SV2C: variants seen among roughly 807,000 people sequenced by gnomAD.
SV2C encodes synaptic vesicle glycoprotein 2C, also known as solute carrier family 22 member B3.
SV2C carries 49 observed loss-of-function variants against 79.7 expected under a neutral mutation model. The observed-to-expected ratio is 0.61, with a 90% CI of 0.49 to 0.78. The LOEUF (loss-of-function observed/expected upper bound fraction) is 0.78. SV2C is among the 30% of genes least tolerant of loss of function. SV2C has a pLI of 0.00. For synonymous variants in SV2C, 334 were observed against 333.2 expected (o/e 1.00, Z -0.03); for missense variants, 833 against 912.9 (o/e 0.91, Z 1.13).
At chr5:75,848,977 C>T in the SV2C span, among the ~76,000 whole-genome samples, 11 of 152,322 alleles carry the variant, frequency 7.2e-5, no homozygotes, top group South Asian at 2.1e-4. Context: ...ATATTCGGCA[C>T]GTAGTGCCTA....
At chr5:75,989,887 A>C in the SV2C span, among the ~76,000 whole-genome samples, 3 of 149,394 alleles carry the variant, frequency 2.0e-5, no homozygotes, top group East Asian at 5.9e-4. Context: ...ATGATCTTTG[A>C]TGTTGAGCTT....
At position 76,121,055 on chromosome 5, in the gene SV2C, C is replaced by T. The variant is rs930340458; in HGVS notation, c.-101-10595C>T. Among the ~76,000 whole-genome samples, 66 of 150,442 alleles carry T rather than the reference C, an allele frequency of 4.4e-4. 1 individual carries two copies. Among genetic ancestry groups the T allele is most frequent in the African/African-American group, 1.6e-3 (64 of 39,962 alleles). Reference sequence around the variant, plus strand: ...TTGTTTCCTGACTTTTTAATGATTGCCATTCTAACTGGTGTGAGATGGTAT... The same window carrying T: ...TTGTTTCCTGACTTTTTAATGATTGTCATTCTAACTGGTGTGAGATGGTAT... On this transcript the variant is annotated intron_variant, in intron 1 of 12. Coordinates refer to ENST00000502798, the MANE Select transcript of SV2C (RefSeq NM_014979.4).
At chr5:76,317,893 C>T (rs1748686286) in intron 12 of SV2C, among the ~76,000 whole-genome samples, 1 of 152,068 alleles carries the variant, frequency 6.6e-6, no homozygotes, top group Admixed American at 6.5e-5. Flanking sequence ...GATATTCAGC[C>T]AGTGTTTAAA....
chr5:76,018,338 G>A, the SV2C span, among the ~76,000 whole-genome samples: 1 of 151,996 alleles, frequency 6.6e-6, no homozygotes, highest in Non-Finnish European at 1.5e-5. Flanking sequence ...TTCCTAAAAA[G>A]TTAAGAAAAT....
downstream of SV2C, among the ~76,000 whole-genome samples, chr5:76,335,724 G>A (rs1193890823): frequency 8.5e-5 from 13 of 152,078 alleles, no homozygotes; most frequent in African/African-American, 3.1e-4. Flanking sequence ...GTTTCAGAGA[G>A]CACAGGGTTG....
chr5:75,980,012 A>C, the SV2C span, among the ~76,000 whole-genome samples: 1 of 152,174 alleles, frequency 6.6e-6, no homozygotes, highest in Non-Finnish European at 1.5e-5. Context: ...GACGCAAATA[A>C]ACACGATCAA....
At chr5:76,049,023 G>GAAAGAAAGAAAGAAAGAA in the SV2C span, among the ~76,000 whole-genome samples, 65 of 82,626 alleles carry the variant, frequency 7.9e-4, 2 homozygotes, top group African/African-American at 2.5e-3. Flanking sequence ...AAGAAAGAAA[G>GAAAGAAAGAAAGAAAGAA]AAAAAGAAAA....
At chr5:76,248,992 T>C (rs1337540228) in intron 4 of SV2C, among the ~76,000 whole-genome samples, 1 of 152,090 alleles carries the variant, frequency 6.6e-6, no homozygotes, top group East Asian at 1.9e-4. Flanking sequence ...AAAGGGTGGG[T>C]ATTATTAGGA....
chr5:76,287,179 T>G (rs1035617982), intron 6 of SV2C, among the ~76,000 whole-genome samples: 2 of 152,186 alleles, frequency 1.3e-5, no homozygotes, highest in Non-Finnish European at 2.9e-5. Flanking sequence ...TAAGGGATAT[T>G]GAACAATATA....
At chr5:75,867,250 C>T in the SV2C span, among the ~76,000 whole-genome samples, 623 of 152,190 alleles carry the variant, frequency 4.1e-3, 6 homozygotes, top group African/African-American at 0.014. Flanking sequence ...TTAGAACACA[C>T]GGACCTATCA....
At position 76,276,276 on chromosome 5, in the gene SV2C, G is replaced by C. The variant is rs150485541; in HGVS notation, c.914-8886G>C. On this transcript the variant is annotated intron_variant, in intron 4 of 12. Coordinates refer to ENST00000502798, the MANE Select transcript of SV2C (RefSeq NM_014979.4). The stretch of plus-strand genomic sequence containing the variant: ...GAGAATGGTATCATAGTTTTACAAA[G>C]CATTTGCAGGGTCATTTCTTGAGGC... 3.5e-4 allele frequency among the ~76,000 whole-genome samples: 53 copies of C among 152,318 alleles called. No individual in the cohort carries two copies. The Middle Eastern group carries it at 0.01, about 29-fold the overall frequency.
chr5:76,295,406 GC>G (rs1228052445), intron 8 of SV2C, among the ~76,000 whole-genome samples: 1 of 152,096 alleles, frequency 6.6e-6, no homozygotes, highest in Non-Finnish European at 1.5e-5. Flanking sequence ...ACCTCCTAAA[GC>G]CCCCACCTCT....
chr5:76,121,041 C>T (rs918911238), intron 1 of SV2C, among the ~76,000 whole-genome samples: 47 of 150,698 alleles, frequency 3.1e-4, no homozygotes, highest in African/African-American at 1.1e-3. Context: ...TGTTTCCTGA[C>T]TTTTTAATGA....
At chr5:75,863,701 G>A in the SV2C span, among the ~76,000 whole-genome samples, 2 of 152,134 alleles carry the variant, frequency 1.3e-5, no homozygotes, top group Non-Finnish European at 2.9e-5. Flanking sequence ...CTTGCTTTGT[G>A]ACATTAATTG....
chr5:76,131,665 A>C lies in SV2C; in HGVS notation c.-86A>C. 1 of 1,151,874 alleles carries C rather than the reference A, an allele frequency of 8.7e-7. No homozygotes were observed. The allele number at this position is 1,151,874 out of a possible 1,614,324, so 71.4% of individuals were successfully genotyped here. A position where few individuals can be genotyped will look rare whatever the true frequency, so the allele number is the denominator to read the frequency against. On this transcript the variant is annotated 5_prime_UTR_variant, in exon 2 of 13. Coordinates refer to ENST00000502798, the MANE Select transcript of SV2C (RefSeq NM_014979.4). The stretch of plus-strand genomic sequence containing the variant: ...TCTTTCGCAGTTCTGTTTTGAACCC[A>C]AAGTGGATGATGCTGTCAGAGCTGA...
chr5:76,003,837 G>A, the SV2C span, among the ~76,000 whole-genome samples: 1 of 151,960 alleles, frequency 6.6e-6, no homozygotes, highest in Non-Finnish European at 1.5e-5. Flanking sequence ...GAGCTCAGAG[G>A]GAGAAATCAA....
chr5:76,337,960 T>C (rs1260573501), downstream of SV2C, among the ~76,000 whole-genome samples: 4 of 152,152 alleles, frequency 2.6e-5, no homozygotes, highest in African/African-American at 4.8e-5. Flanking sequence ...TCCAAGACAG[T>C]GACCAGCTTG....
intron 12 of SV2C, among the ~76,000 whole-genome samples, chr5:76,338,980 A>G (rs1435853654): frequency 6.9e-6 from 1 of 144,518 alleles, no homozygotes; most frequent in Non-Finnish European, 1.5e-5. Flanking sequence ...AAGTACCCTC[A>G]GGCTTGGGCA....
the SV2C span, among the ~76,000 whole-genome samples, chr5:75,905,298 T>C: frequency 2.0e-5 from 3 of 152,210 alleles, no homozygotes; most frequent in Non-Finnish European, 2.9e-5. Context: ...TGATATGTAA[T>C]AACCGTCAAA....
Sources: allele counts gnomAD v4.1 joint callset (sites outside exome capture counted in the v4.1 genomes callset), GRCh38; gene constraint gnomAD v4.1.1; transcripts MANE v1.5; gene names NCBI Gene and HGNC (gene_info 2026-07-23, HGNC 2026-07-21).